C10orf67: variants seen among roughly 807,000 people sequenced by gnomAD.
C10orf67 encodes chromosome 10 open reading frame 67.
C10orf67 carries 60 observed loss-of-function variants against 35.6 expected under a neutral mutation model. That is an observed-to-expected ratio of 1.68 (90% CI 1.37 to 2.09). The LOEUF is 2.09. Ranked by LOEUF, C10orf67 falls within the 30% of genes most tolerant of loss-of-function variation. The probability of loss-of-function intolerance (pLI) is 0.00; values close to 1 mark genes in which losing one functional copy is unlikely to be tolerated. For synonymous variants in C10orf67, 167 were observed against 115.8 expected (o/e 1.44, Z -2.84); for missense variants, 474 against 330.2 (o/e 1.44, Z -3.38).
intron 1 of C10orf67, among the ~76,000 whole-genome samples, chr10:23,336,288 G>A (rs912087341): frequency 3.9e-5 from 6 of 152,048 alleles, no homozygotes; most frequent in African/African-American, 1.4e-4. Flanking sequence ...GGGAAGAATT[G>A]GTATGAATGC....
rs1033128097 is a variant in C10orf67, at chr10:23,325,682, A to AT, written c.328-3146_328-3145insA. On this transcript the variant is annotated intron_variant, in intron 2 of 15. Transcript: ENST00000636213. ...TCCAAATTACTTGGATTATATATATAAAAAAAAAAAACAGGAAAATGTGAT... is the reference window on the plus strand; with the variant it reads ...TCCAAATTACTTGGATTATATATATATAAAAAAAAAAACAGGAAAATGTGAT... Among the ~76,000 whole-genome samples, 143 of 30,696 alleles carry AT rather than the reference A, an allele frequency of 4.7e-3. 1 individual carries two copies. The highest frequency in any genetic ancestry group is 0.017 in the East Asian group (2 of 116). The allele number at this position is 30,696 out of a possible 152,430, so 20.1% of individuals were successfully genotyped here.
At chr10:23,332,203 T>C (rs2132390454) in intron 2 of C10orf67, among the ~76,000 whole-genome samples, 1 of 152,326 alleles carries the variant, frequency 6.6e-6, no homozygotes, top group African/African-American at 2.4e-5. Context: ...TGTGATGTAA[T>C]GTACTTGTGA....
intron 13 of C10orf67, among the ~76,000 whole-genome samples, chr10:23,224,318 C>G (rs541928420): frequency 6.6e-6 from 1 of 152,280 alleles, no homozygotes; most frequent in African/African-American, 2.4e-5. Flanking sequence ...GCTGAGGGTC[C>G]TGAGTGTTAG....
At chr10:23,252,944 G>A (rs1156790560) in intron 10 of C10orf67, among the ~76,000 whole-genome samples, 1 of 151,494 alleles carries the variant, frequency 6.6e-6, no homozygotes, top group African/African-American at 2.5e-5. Context: ...ACGGTGGCGG[G>A]TCTTTCCCAT....
chr10:23,286,119 CA>C (rs2132247549), intron 7 of C10orf67, among the ~76,000 whole-genome samples: 1 of 151,998 alleles, frequency 6.6e-6, no homozygotes, highest in African/African-American at 2.4e-5. Context: ...AGGCCCAGTG[CA>C]GTGACTCACA....
chr10:23,235,340 T>G (rs1262880859), intron 13 of C10orf67, among the ~76,000 whole-genome samples: 3 of 152,026 alleles, frequency 2.0e-5, no homozygotes, highest in Non-Finnish European at 2.9e-5. Context: ...TTCATTAAAA[T>G]AAAAATATCT....
chr10:23,243,408 G>A (rs150434598), intron 12 of C10orf67, among the ~76,000 whole-genome samples: 33 of 152,248 alleles, frequency 2.2e-4, no homozygotes, highest in Middle Eastern at 3.4e-3. Flanking sequence ...TCCTGGCCAG[G>A]CATGGTGGCT....
Position 23,250,611 on chromosome 10 carries a change from C to G in C10orf67, c.1280+1G>C, listed in dbSNP as rs1842422054. ...AGTGCCTTTTACTCTATTACCAGTA[C>G]CTTTCCACCTTCTTTTTCTCATTCT... On this transcript the variant is annotated splice_donor_variant, in intron 11 of 15. Transcript: ENST00000636213. LOFTEE classifies it high-confidence loss of function. 5.0e-6 allele frequency: 2 copies of G among 398,512 alleles called. No individual in the cohort carries two copies. Among genetic ancestry groups the G allele is most frequent in the Non-Finnish European group, 8.9e-6 (2 of 225,882 alleles). 24.7% of individuals were successfully genotyped at this position (398,512 alleles called of 1,614,324 possible).
chr10:23,204,884 T>A (rs1210275082), intron 15 of C10orf67, among the ~76,000 whole-genome samples: 1 of 151,768 alleles, frequency 6.6e-6, no homozygotes, highest in South Asian at 2.1e-4. Context: ...AGCCACAACA[T>A]GGGATGTGAT....
Position 23,223,750 on chromosome 10 carries a change from T to C in C10orf67, c.1503A>G (p.Thr501=). 1.4e-6 allele frequency: 1 copy of C among 715,984 alleles called. No individual in the cohort carries two copies. Among genetic ancestry groups the C allele is most frequent in the Non-Finnish European group, 2.6e-6 (1 of 384,930 alleles). The allele number at this position is 715,984 out of a possible 1,614,324, so 44.4% of individuals were successfully genotyped here. The change falls in exon 14 of 16, where the codon ACA becomes ACG. Residue 501 remains threonine (T), a synonymous_variant. Coordinates refer to ENST00000636213, the MANE Select transcript of C10orf67 (RefSeq NM_001371909.1). ...MTAISSSSHC[T]SSIDGKHVDV... is the part of the protein sequence containing the mutation. ...AGAAAAATAAGCTACTTACTGAAGA[T>C]GTACAATGACTTGAAGAGGATATAG...
At position 23,217,131 on chromosome 10, in the gene C10orf67, C is replaced by CT. The variant is rs532721788; in HGVS notation, c.1570+6466dup. ...ACAAAATACTTCCTTCCTATAACAT[C>CT]TTTTTTTCCATGTGATTGTTTATTT... On this transcript the variant is annotated intron_variant, in intron 15 of 15. Coordinates refer to ENST00000636213, the MANE Select transcript of C10orf67 (RefSeq NM_001371909.1). 1.0e-3 allele frequency among the ~76,000 whole-genome samples: 154 copies of CT among 152,232 alleles called. 2 individuals carry two copies. In the South Asian group the frequency reaches 0.031, roughly 31 times the overall value.
intron 13 of C10orf67, among the ~76,000 whole-genome samples, chr10:23,233,504 T>TA (rs2132125823): frequency 6.6e-6 from 1 of 152,336 alleles, no homozygotes; most frequent in South Asian, 2.1e-4. Flanking sequence ...TCATGATTTT[T>TA]AAAAAGTAGC....
At chr10:23,282,998 G>A (rs1843413636) in intron 7 of C10orf67, among the ~76,000 whole-genome samples, 1 of 152,024 alleles carries the variant, frequency 6.6e-6, no homozygotes, top group Non-Finnish European at 1.5e-5. Flanking sequence ...CCTAGTATTT[G>A]ATAGCACAAC....
At chr10:23,303,758 A>G (rs1337226766) in intron 4 of C10orf67, among the ~76,000 whole-genome samples, 2 of 152,234 alleles carry the variant, frequency 1.3e-5, no homozygotes, top group East Asian at 1.9e-4. Flanking sequence ...CTACAATAGT[A>G]AAGAGCGAGA....
At position 23,289,962 on chromosome 10, in the gene C10orf67, T is replaced by A. The variant is rs1843668430; in HGVS notation, c.851-4A>T. 1 of 716,736 alleles carries A rather than the reference T, an allele frequency of 1.4e-6. No homozygotes were observed. Among genetic ancestry groups the A allele is most frequent in the Admixed American group, 2.0e-5 (1 of 49,896 alleles). 44.4% of individuals were successfully genotyped at this position (716,736 alleles called of 1,614,324 possible). ...TTCATACTTATAAGTTCATCTTCTG[T>A]AAACAAAAGGAGAGAGAGGCCAACC... On this transcript the variant is annotated splice_polypyrimidine_tract_variant and splice_region_variant and intron_variant, in intron 6 of 15. Coordinates refer to ENST00000636213, the MANE Select transcript of C10orf67 (RefSeq NM_001371909.1).
intron 1 of C10orf67, among the ~76,000 whole-genome samples, chr10:23,334,915 G>A (rs927542072): frequency 7.2e-5 from 11 of 152,160 alleles, no homozygotes; most frequent in South Asian, 2.1e-4. Context: ...TAGGTTGGGC[G>A]CAGTGGCTCA....
intron 2 of C10orf67, among the ~76,000 whole-genome samples, chr10:23,325,842 G>A (rs1410382020): frequency 6.6e-6 from 1 of 151,816 alleles, no homozygotes; most frequent in Non-Finnish European, 1.5e-5. Context: ...AATGAAAAAA[G>A]GAAATATCAA....
chr10:23,271,173 T>C (rs1422169766), intron 8 of C10orf67, among the ~76,000 whole-genome samples: 1 of 152,092 alleles, frequency 6.6e-6, no homozygotes, highest in Non-Finnish European at 1.5e-5. Context: ...AAAAAGACAA[T>C]GAAGGGCACT....
At chr10:23,327,220 A>C (rs1350642870) in intron 2 of C10orf67, among the ~76,000 whole-genome samples, 6 of 152,108 alleles carry the variant, frequency 3.9e-5, no homozygotes, top group Admixed American at 1.3e-4. Context: ...AAATAAGATA[A>C]AGAGAAATTA....
Sources: gnomAD v4.1 joint callset for allele counts (sites outside exome capture counted in the v4.1 genomes callset) on GRCh38, gnomAD v4.1.1 for gene constraint, MANE v1.5 for transcripts, NCBI Gene and HGNC (gene_info 2026-07-23, HGNC 2026-07-21) for gene names.